NAMPT: variants seen among roughly 807,000 people sequenced by gnomAD.
NAMPT encodes nicotinamide phosphoribosyltransferase, also known as NAmPRTase.
Under a neutral mutation model 58.7 loss-of-function variants are expected in NAMPT, and 7 were observed. That is an observed-to-expected ratio of 0.12 (90% confidence interval 0.07 to 0.22). The LOEUF (loss-of-function observed/expected upper bound fraction) is 0.22. NAMPT is among the 10% of genes least tolerant of loss of function. The pLI is 1.00. For missense variants in NAMPT, 271 were observed against 567.9 expected (o/e 0.48, Z 5.31); for synonymous variants, 145 against 198.1 (o/e 0.73, Z 2.25).
rs374208759 is a variant in NAMPT at position 106,284,471 on chromosome 7, G to C, written c.57+357C>G. The C allele has an allele frequency of 1.6e-4, 25 of 152,700 alleles. No individual in the cohort carries two copies. In the East Asian group the frequency reaches 3.3e-3, roughly 20 times the overall value. 9.5% of individuals were successfully genotyped at this position (152,700 alleles called of 1,614,324 possible). ...TCCAGGCCAAGAGGCCGCGCTTCAG[G>C]GAAGGGCATGCGCTCGCCGGCGACG... On this transcript the variant is annotated intron_variant, in intron 1 of 10. Transcript: ENST00000222553.
intron 9 of NAMPT, among the ~76,000 whole-genome samples, chr7:106,254,121 A>G (rs1172685233): frequency 1.3e-5 from 2 of 152,230 alleles, no homozygotes; most frequent in Non-Finnish European, 1.5e-5. Flanking sequence ...ACTGACCTGT[A>G]TTATCTCTCT....
intron 6 of NAMPT, among the ~76,000 whole-genome samples, chr7:106,264,518 T>C (rs781148106): frequency 6.6e-6 from 1 of 152,044 alleles, no homozygotes; most frequent in East Asian, 1.9e-4. Flanking sequence ...AGTTCTGAAA[T>C]CTGAAATCCA....
chr7:106,272,073 GA>G, intron 4 of NAMPT: 2 of 375,284 alleles, frequency 5.3e-6, no homozygotes, highest in Non-Finnish European at 1.1e-5. Flanking sequence ...ATGAGAAACT[GA>G]AAAGTAACAG....
chr7:106,279,881 G>GAGAC (rs1792727180), intron 1 of NAMPT, among the ~76,000 whole-genome samples: 1 of 152,136 alleles, frequency 6.6e-6, no homozygotes, highest in South Asian at 2.1e-4. Flanking sequence ...AAATGACAAG[G>GAGAC]AGACAGGAAA....
At chr7:106,269,588 T>C (rs987108977) in intron 4 of NAMPT, among the ~76,000 whole-genome samples, 2 of 152,086 alleles carry the variant, frequency 1.3e-5, no homozygotes, top group Non-Finnish European at 2.9e-5. Context: ...AAGAAGCAAA[T>C]AATATTTTGA....
intron 6 of NAMPT, among the ~76,000 whole-genome samples, chr7:106,265,182 G>A (rs1443564460): frequency 6.6e-6 from 1 of 152,064 alleles, no homozygotes; most frequent in African/African-American, 2.4e-5. Context: ...CTTTAAAAAG[G>A]AGAGAATTAA....
chr7:106,285,236 T>G (rs1792853179), upstream of NAMPT: 2 of 970,934 alleles, frequency 2.1e-6, no homozygotes, highest in Admixed American at 5.3e-5. Context: ...GAGGACGTGA[T>G]GCACGCGCTC....
chr7:106,270,478 G>T (rs1210201041), intron 4 of NAMPT: 1 of 204,930 alleles, frequency 4.9e-6, no homozygotes, highest in African/African-American at 2.4e-5. Context: ...TGTAGCATTA[G>T]ACTCCTGTGA....
intron 10 of NAMPT, among the ~76,000 whole-genome samples, chr7:106,252,010 A>C (rs1291194589): frequency 1.3e-5 from 2 of 152,118 alleles, no homozygotes; most frequent in African/African-American, 2.4e-5. Context: ...TTCAAACCAC[A>C]GTGCTTTAGC....
upstream of NAMPT, chr7:106,285,266 C>T (rs1792855060): frequency 1.2e-6 from 1 of 827,458 alleles, no homozygotes; most frequent in Non-Finnish European, 1.5e-6. Context: ...GACGCCAGCT[C>T]TGGGAAGCTG....
At chr7:106,254,619 G>A in intron 8 of NAMPT, 115 bp from the exon 9 acceptor site, 2 of 1,162,748 alleles carry the variant, frequency 1.7e-6, no homozygotes, top group Non-Finnish European at 1.2e-6. Context: ...TTATAACACG[G>A]TCAATAAATA....
chr7:106,258,278 G>A (rs1401208082), intron 8 of NAMPT, among the ~76,000 whole-genome samples: 1 of 152,150 alleles, frequency 6.6e-6, no homozygotes, highest in Non-Finnish European at 1.5e-5. Flanking sequence ...CAGAAATACT[G>A]TTTGATTTGG....
At chr7:106,281,241 C>A (rs953426873) in intron 1 of NAMPT, among the ~76,000 whole-genome samples, 1 of 151,640 alleles carries the variant, frequency 6.6e-6, no homozygotes, top group African/African-American at 2.4e-5. Context: ...TGAGATATGA[C>A]ACATATATTT....
intron 1 of NAMPT, among the ~76,000 whole-genome samples, chr7:106,280,267 G>A (rs1792736238): frequency 6.6e-6 from 1 of 152,152 alleles, no homozygotes; most frequent in Admixed American, 6.6e-5. Context: ...AGATGATAAT[G>A]AGGGAGAAGA....
At chr7:106,281,222 A>T (rs1000049205) in intron 1 of NAMPT, among the ~76,000 whole-genome samples, 7 of 151,726 alleles carry the variant, frequency 4.6e-5, no homozygotes, top group Non-Finnish European at 8.8e-5. Flanking sequence ...CAGTTTTTTT[A>T]AAAAAGTATG....
chr7:106,260,382 T>C (rs1792282498), intron 8 of NAMPT, among the ~76,000 whole-genome samples: 2 of 152,246 alleles, frequency 1.3e-5, no homozygotes, highest in South Asian at 2.1e-4. Flanking sequence ...TCACCTCTCT[T>C]AGGCTTCACA....
chr7:106,285,525 A>G, upstream of NAMPT: 1 of 986,016 alleles, frequency 1.0e-6, no homozygotes, highest in Non-Finnish European at 1.2e-6. Flanking sequence ...CCCGTCCACC[A>G]CGCGCAGTTA....
intron 1 of NAMPT, chr7:106,284,579 C>A (rs1325160399): frequency 4.4e-6 from 1 of 228,070 alleles, no homozygotes; most frequent in African/African-American, 2.4e-5. Flanking sequence ...GCGCCGCCGC[C>A]GCCGCGCGCC....
chr7:106,261,614 C>T lies in NAMPT; in HGVS notation c.1063G>A (p.Gly355Arg). 6.3e-7 allele frequency: 1 copy of T among 1,585,946 alleles called. No homozygotes were observed. Among genetic ancestry groups the T allele is most frequent in the Non-Finnish European group, 8.7e-7 (1 of 1,154,826 alleles). The change falls in exon 8 of 11, where the codon GGA (glycine) becomes AGA (arginine). Residue 355 changes from glycine (G) to arginine (R), a missense_variant. By Grantham distance (125) the Gly-to-Arg change is moderately radical (BLOSUM62 -2). Around this residue, in one of 4 missense-constraint regions of NAMPT, gnomAD observed 143 missense variants for 331.1 expected, o/e 0.43. Coordinates refer to ENST00000222553, the MANE Select transcript of NAMPT (RefSeq NM_005746.3). Reference sequence around the variant, plus strand: ...TCTTGTAAGGTATTAATATCTACTCCATCCCCTTGAATAACTCTAAGATAA... The same window carrying T: ...TCTTGTAAGGTATTAATATCTACTCTATCCCCTTGAATAACTCTAAGATAA... Reference protein sequence around the residue: ...PPYLRVIQGDGVDINTLQEIV... With the variant: ...PPYLRVIQGDRVDINTLQEIV...
Sources: allele counts gnomAD v4.1 joint callset (sites outside exome capture counted in the v4.1 genomes callset), GRCh38; gene constraint gnomAD v4.1.1; regional missense constraint gnomAD v4.1.1; transcripts MANE v1.5; gene names NCBI Gene and HGNC (gene_info 2026-07-23, HGNC 2026-07-21).